The following THSD4 variants were observed in gnomAD, a reference collection of about 807,000 sequenced individuals.
The protein encoded by THSD4 is thrombospondin type-1 domain-containing protein 4.
THSD4 carries 69 observed loss-of-function variants against 119.0 expected under a neutral mutation model. That is an observed-to-expected ratio of 0.58 (90% CI 0.48 to 0.71). The LOEUF is 0.71. Ranked by LOEUF, THSD4 falls within the 30% of genes least tolerant of loss-of-function variation. The probability of loss-of-function intolerance (pLI) is 0.00; values close to 1 mark genes in which losing one functional copy is unlikely to be tolerated. For synonymous variants in THSD4, 524 were observed against 540.4 expected, an observed-to-expected ratio of 0.97 and a Z score of 0.42; for missense variants, 1,393 against 1,391.1, an observed-to-expected ratio of 1.00 and a Z score of -0.02.
At chr15:71,264,672 A>G (rs1355489750) in intron 6 of THSD4, among the ~76,000 whole-genome samples, 1 of 152,206 alleles carries the variant, frequency 6.6e-6, no homozygotes, top group Admixed American at 6.5e-5. Context: ...AAGAAAATGT[A>G]GAATAACAAA....
intron 6 of THSD4, among the ~76,000 whole-genome samples, chr15:71,328,207 A>G (rs146891073): frequency 1.6e-4 from 25 of 152,234 alleles, no homozygotes; most frequent in African/African-American, 6.0e-4. Flanking sequence ...TTTTCTTTTG[A>G]GTCCAATCTT....
intron 7 of THSD4, among the ~76,000 whole-genome samples, chr15:71,611,684 T>C (rs1317731024): frequency 6.6e-6 from 1 of 152,150 alleles, no homozygotes; most frequent in Non-Finnish European, 1.5e-5. Context: ...CGGCCTGGGG[T>C]GGCCAGGAAA....
At chr15:71,101,835 T>A (rs1247597506) in intron 1 of THSD4, among the ~76,000 whole-genome samples, 6 of 151,980 alleles carry the variant, frequency 3.9e-5, no homozygotes, top group African/African-American at 1.5e-4. Flanking sequence ...TGCCTCAGCC[T>A]CCTGAGTAGC....
At chr15:71,645,252 A>G (rs2050945500) in intron 7 of THSD4, among the ~76,000 whole-genome samples, 1 of 152,148 alleles carries the variant, frequency 6.6e-6, no homozygotes. Context: ...AAAGAGGCTT[A>G]ATTGACTCAC....
intron 7 of THSD4, among the ~76,000 whole-genome samples, chr15:71,481,454 C>A: frequency 6.6e-6 from 1 of 152,184 alleles, no homozygotes; most frequent in South Asian, 2.1e-4. Flanking sequence ...TTTCACTGAA[C>A]CACAAGGATT....
At chr15:71,405,751 C>T (rs754914792) in intron 6 of THSD4, among the ~76,000 whole-genome samples, 1 of 152,138 alleles carries the variant, frequency 6.6e-6, no homozygotes, top group Non-Finnish European at 1.5e-5. Flanking sequence ...GCCATCTTAA[C>T]AATGTTAAAT....
intron 7 of THSD4, among the ~76,000 whole-genome samples, chr15:71,476,468 G>A (rs1035198591): frequency 5.9e-5 from 9 of 152,090 alleles, no homozygotes; most frequent in East Asian, 3.9e-4. Context: ...TCTCGAACTC[G>A]TGACCTCAAG....
intron 6 of THSD4, among the ~76,000 whole-genome samples, chr15:71,316,364 G>A (rs750869017): frequency 4.2e-4 from 64 of 152,226 alleles, no homozygotes; most frequent in Non-Finnish European, 7.8e-4. Flanking sequence ...CAACCAAGGG[G>A]TTACATTAAG....
chr15:71,656,237 C>T (rs2051188707), intron 7 of THSD4, among the ~76,000 whole-genome samples: 1 of 152,082 alleles, frequency 6.6e-6, no homozygotes, highest in Non-Finnish European at 1.5e-5. Context: ...TAGTAGTATA[C>T]TGCTGTCAAT....
At chr15:71,341,757 T>G (rs755162210) in intron 6 of THSD4, 1 of 830,478 alleles carries the variant, frequency 1.2e-6, no homozygotes, top group Non-Finnish European at 2.1e-6. Flanking sequence ...GCTCTCTCCC[T>G]TTTCTTCCTT....
chr15:71,393,719 T>C (rs2046407451), intron 6 of THSD4, among the ~76,000 whole-genome samples: 1 of 152,298 alleles, frequency 6.6e-6, no homozygotes, highest in Non-Finnish European at 1.5e-5. Context: ...TTAAGCTGTT[T>C]TTAGTGTGCT....
chr15:71,493,345 T>A lies in THSD4; in HGVS notation c.1152+81522T>A, dbSNP rs542901040. Among the ~76,000 whole-genome samples, 6 of 152,390 alleles carry A rather than the reference T, an allele frequency of 3.9e-5. No homozygotes were observed. In the South Asian group the frequency reaches 1.2e-3, roughly 32 times the overall value. ...CTCACTCTTATATTTCTTTGATTTTTAAAAATAATTTTTATCCTTTCCTCT... is the reference window on the plus strand; with the variant it reads ...CTCACTCTTATATTTCTTTGATTTTAAAAAATAATTTTTATCCTTTCCTCT... On this transcript the variant is annotated intron_variant, in intron 7 of 17. Coordinates refer to ENST00000261862, the MANE Select transcript of THSD4 (RefSeq NM_024817.3).
intron 3 of THSD4, among the ~76,000 whole-genome samples, chr15:71,173,690 C>T (rs904621079): frequency 6.6e-5 from 10 of 151,544 alleles, no homozygotes; most frequent in African/African-American, 2.2e-4. Flanking sequence ...TATATGGAGT[C>T]TCAAAGGACC....
chr15:71,317,128 C>T (rs2045198177), intron 6 of THSD4, among the ~76,000 whole-genome samples: 1 of 152,116 alleles, frequency 6.6e-6, no homozygotes. Context: ...TTAAAATAGT[C>T]AACATACAAG....
intron 7 of THSD4, among the ~76,000 whole-genome samples, chr15:71,487,369 A>T (rs1214030114): frequency 6.6e-6 from 1 of 152,220 alleles, no homozygotes; most frequent in African/African-American, 2.4e-5. Flanking sequence ...ACAGCTGCAG[A>T]CTAGTTTTCA....
chr15:71,400,573 G>A (rs909111900), intron 6 of THSD4, among the ~76,000 whole-genome samples: 4 of 152,178 alleles, frequency 2.6e-5, no homozygotes, highest in Non-Finnish European at 5.9e-5. Flanking sequence ...AAAGTCTGGC[G>A]CTGCTGTGGC....
intron 7 of THSD4, among the ~76,000 whole-genome samples, chr15:71,415,545 G>T (rs6494919): frequency 0.88 from 134,176 of 152,042 alleles, 61,596 homozygotes; most frequent in East Asian, 1. Flanking sequence ...AAATGATCCA[G>T]TTATACTGAG....
chr15:71,547,763 TCTC>T (rs1011020726), intron 7 of THSD4: 30 of 270,630 alleles, frequency 1.1e-4, no homozygotes, highest in Admixed American at 2.2e-4. Flanking sequence ...CACGCACGCT[TCTC>T]CTGCTGTAGC....
intron 6 of THSD4, among the ~76,000 whole-genome samples, chr15:71,410,767 C>T (rs1162900793): frequency 1.3e-5 from 2 of 152,158 alleles, no homozygotes; most frequent in Non-Finnish European, 2.9e-5. Context: ...TGTGGTGGCT[C>T]ATGCCTGTAA....
Sources: gnomAD v4.1 joint callset for allele counts (sites outside exome capture counted in the v4.1 genomes callset) on GRCh38, gnomAD v4.1.1 for gene constraint, MANE v1.5 for transcripts, NCBI Gene and HGNC (gene_info 2026-07-23, HGNC 2026-07-21) for gene names.